The following SPECC1 variants were observed in gnomAD, a reference collection of about 807,000 sequenced individuals.
SPECC1 encodes sperm antigen with calponin homology and coiled-coil domains 1, also known as cytospin-B.
Under a neutral mutation model 104.1 loss-of-function variants are expected in SPECC1, and 62 were observed. The observed-to-expected ratio is 0.60, with a 90% CI of 0.49 to 0.74. The LOEUF (loss-of-function observed/expected upper bound fraction) is 0.74. SPECC1 is among the 30% of genes least tolerant of loss of function. The pLI is 0.00. For missense variants in SPECC1, 1,306 were observed against 1,310.5 expected, an observed-to-expected ratio of 1.00 and a Z score of 0.05; for synonymous variants, 513 against 501.6, an observed-to-expected ratio of 1.02 and a Z score of -0.30.
intron 12 of SPECC1, among the ~76,000 whole-genome samples, chr17:20,272,538 T>G (rs1472363950): frequency 6.6e-6 from 1 of 152,190 alleles, no homozygotes; most frequent in African/African-American, 2.4e-5. Flanking sequence ...AATCTGACAT[T>G]CCCCTCTTCC....
intron 1 of SPECC1, among the ~76,000 whole-genome samples, chr17:20,048,157 A>G (rs527914184): frequency 1.4e-3 from 204 of 145,480 alleles, no homozygotes; most frequent in African/African-American, 5.0e-3. Context: ...TTTTTGAGAC[A>G]GAGTCTTGCT....
chr17:20,238,919 G>C (rs750119717), intron 7 of SPECC1: 12 of 1,041,640 alleles, frequency 1.2e-5, no homozygotes, highest in African/African-American at 1.7e-5. Context: ...TTAATCACCA[G>C]CTACGTTTCT....
intron 3 of SPECC1, among the ~76,000 whole-genome samples, chr17:20,128,483 C>T (rs998158835): frequency 2.0e-5 from 3 of 152,136 alleles, no homozygotes; most frequent in African/African-American, 7.2e-5. Context: ...AGGAAGCAGG[C>T]GTGCCCCTCA....
intron 3 of SPECC1, among the ~76,000 whole-genome samples, chr17:20,191,719 G>T (rs1256346359): frequency 6.6e-6 from 1 of 151,710 alleles, no homozygotes; most frequent in South Asian, 2.1e-4. Flanking sequence ...TCATTGTTCA[G>T]CTCCTACTTA....
At chr17:20,303,263 A>T (rs1298109222) in intron 13 of SPECC1, among the ~76,000 whole-genome samples, 3 of 152,226 alleles carry the variant, frequency 2.0e-5, no homozygotes, top group Non-Finnish European at 4.4e-5. Context: ...GCTGCCATTA[A>T]TTTGGGCTAA....
intron 3 of SPECC1, among the ~76,000 whole-genome samples, chr17:20,186,457 A>G (rs1190808256): frequency 1.3e-5 from 2 of 152,230 alleles, no homozygotes; most frequent in Non-Finnish European, 2.9e-5. Context: ...ATTTGTAAGA[A>G]ATGTATTATC....
intron 3 of SPECC1, among the ~76,000 whole-genome samples, chr17:20,150,186 T>C (rs995331823): frequency 5.3e-5 from 8 of 151,636 alleles, no homozygotes; most frequent in African/African-American, 1.9e-4. Context: ...GGTTTCACCG[T>C]TTTAGTCCGG....
chr17:20,246,130 G>T, intron 8 of SPECC1, 59 bp downstream of exon 8: 1 of 1,593,918 alleles, frequency 6.3e-7, no homozygotes, highest in Non-Finnish European at 8.6e-7. Context: ...CCCGACATTT[G>T]ATATGTCTAC....
At chr17:20,303,352 G>T (rs2041654991) in intron 13 of SPECC1, among the ~76,000 whole-genome samples, 1 of 152,194 alleles carries the variant, frequency 6.6e-6, no homozygotes, top group African/African-American at 2.4e-5. Flanking sequence ...GCAGTTTCCA[G>T]CCCATGCCCG....
intron 7 of SPECC1, among the ~76,000 whole-genome samples, chr17:20,233,640 C>G (rs1417732612): frequency 6.6e-6 from 1 of 152,188 alleles, no homozygotes; most frequent in Non-Finnish European, 1.5e-5. Context: ...TTCTGACTAA[C>G]TAGGACTACA....
chr17:20,313,400 A>G (rs1185617187), intron 14 of SPECC1, among the ~76,000 whole-genome samples: 1 of 152,274 alleles, frequency 6.6e-6, no homozygotes, highest in African/African-American at 2.4e-5. Context: ...AGGAAACAAT[A>G]CTGCACAAAG....
intron 1 of SPECC1, among the ~76,000 whole-genome samples, chr17:20,074,151 C>T (rs903167487): frequency 3.3e-5 from 5 of 152,132 alleles, no homozygotes; most frequent in Admixed American, 1.3e-4. Context: ...ACCGCCCACT[C>T]GACTAGTGCT....
At chr17:20,276,833 C>T (rs1481731366) in intron 12 of SPECC1, among the ~76,000 whole-genome samples, 1 of 152,256 alleles carries the variant, frequency 6.6e-6, no homozygotes. Flanking sequence ...ACAGCCCCGT[C>T]GGCCCCTTTG....
chr17:20,182,377 A>G (rs1567910797), intron 3 of SPECC1, among the ~76,000 whole-genome samples: 1 of 152,114 alleles, frequency 6.6e-6, no homozygotes, highest in Non-Finnish European at 1.5e-5. Context: ...TGGCCTCCCA[A>G]AGTGCTAGGA....
intron 1 of SPECC1, among the ~76,000 whole-genome samples, chr17:20,083,150 C>A (rs1049350589): frequency 1.3e-5 from 2 of 152,170 alleles, no homozygotes; most frequent in South Asian, 2.1e-4. Context: ...AACAAAATTT[C>A]TGAACACTTC....
At position 20,205,097 on chromosome 17, in the gene SPECC1, T is replaced by G. The variant is rs1350974459; in HGVS notation, c.1048T>G (p.Phe350Val). 8 of 1,614,020 alleles carry G rather than the reference T, an allele frequency of 5.0e-6. No homozygotes were observed. The highest frequency in any genetic ancestry group is 6.8e-6 in the Non-Finnish European group (8 of 1,180,030). ...GCCCCTGTCCTCCACCAGTAACCCCTTTAAGAGTTCAAAGTGTTCTACTGC... is the reference window on the plus strand; with the variant it reads ...GCCCCTGTCCTCCACCAGTAACCCCGTTAAGAGTTCAAAGTGTTCTACTGC... ...SRPLSSTSNPFKSSKCSTAGS... is the reference protein window; with the variant it reads ...SRPLSSTSNPVKSSKCSTAGS... The change falls in exon 4 of 15, where the codon TTT becomes GTT. Residue 350 changes from phenylalanine (F) to valine (V), a missense_variant. By Grantham distance (50) the Phe-to-Val change is conservative. Coordinates refer to ENST00000395527, the MANE Select transcript of SPECC1 (RefSeq NM_001243439.2).
At chr17:20,237,169 A>G in intron 7 of SPECC1, 8 of 1,339,296 alleles carry the variant, frequency 6.0e-6, no homozygotes, top group South Asian at 3.3e-5. Flanking sequence ...TGAAGTTCTG[A>G]AAAAAACAAA....
intron 3 of SPECC1, among the ~76,000 whole-genome samples, chr17:20,137,089 C>T (rs1567869792): frequency 2.0e-5 from 3 of 152,366 alleles, no homozygotes; most frequent in Admixed American, 2.0e-4. Context: ...CTTTTCAGGG[C>T]TAGCTTTTCA....
Position 20,160,352 on chromosome 17 carries a change from G to A in SPECC1, c.284-43981G>A, listed in dbSNP as rs544912203. On this transcript the variant is annotated intron_variant, in intron 3 of 14. Coordinates refer to ENST00000395527, the MANE Select transcript of SPECC1 (RefSeq NM_001243439.2). The stretch of plus-strand genomic sequence containing the variant: ...CAGCAGTCGGGAGAGGAGAAGGCGT[G>A]TGGAGGACCCTGCCCGAGGTTTTAG... 1.6e-3 allele frequency among the ~76,000 whole-genome samples: 250 copies of A among 152,236 alleles called. 2 individuals carry two copies. Among genetic ancestry groups the A allele is most frequent in the African/African-American group, 5.6e-3 (233 of 41,534 alleles).
Sources: allele counts gnomAD v4.1 joint callset (sites outside exome capture counted in the v4.1 genomes callset), GRCh38; gene constraint gnomAD v4.1.1; transcripts MANE v1.5; gene names NCBI Gene and HGNC (gene_info 2026-07-23, HGNC 2026-07-21).